PUS1: variants seen among roughly 807,000 people sequenced by gnomAD.
PUS1 encodes pseudouridine synthase 1.
In PUS1, 25 loss-of-function variants were observed where a neutral mutation model predicts 38.5. That is an observed-to-expected ratio of 0.65 (90% CI 0.47 to 0.91). The LOEUF is 0.91. Ranked by LOEUF, PUS1 falls within the 40% of genes least tolerant of loss-of-function variation. The pLI is 0.00. For missense variants in PUS1, 597 were observed against 612.3 expected, an observed-to-expected ratio of 0.97 and a Z score of 0.26; for synonymous variants, 282 against 260.4, an observed-to-expected ratio of 1.08 and a Z score of -0.80.
At chr12:131,935,969 G>A (rs998708307) in intron 3 of PUS1, among the ~76,000 whole-genome samples, 1 of 152,054 alleles carries the variant, frequency 6.6e-6, no homozygotes, top group African/African-American at 2.4e-5. Flanking sequence ...CCAGCACTTT[G>A]GGAGTCCAAG....
intron 2 of PUS1, chr12:131,931,814 A>G: frequency 2.4e-6 from 1 of 418,990 alleles, no homozygotes; most frequent in South Asian, 2.4e-5. Flanking sequence ...TACAGGTGTG[A>G]GCCACTGCAC....
At chr12:131,937,051 T>G (rs1319820532) in intron 3 of PUS1, among the ~76,000 whole-genome samples, 1 of 152,208 alleles carries the variant, frequency 6.6e-6, no homozygotes. Flanking sequence ...ATGTATTTTC[T>G]TTCCCTTTTT....
rs555804602 is a variant in PUS1, at chr12:131,941,203, C to T, written c.545-89C>T. On this transcript the variant is annotated intron_variant, in intron 4 of 5. Coordinates refer to ENST00000376649, the MANE Select transcript of PUS1 (RefSeq NM_025215.6). The surrounding 1 kb of genome is among the most constrained non-coding windows in gnomAD (Gnocchi z 4.4). ...TTGGTCGGTGCTCTGGGTAAGGAGACGCTGGGGCTCACGCCGTGCTCAGGC... is the reference window on the plus strand; with the variant it reads ...TTGGTCGGTGCTCTGGGTAAGGAGATGCTGGGGCTCACGCCGTGCTCAGGC... 157 of 1,171,306 alleles carry T rather than the reference C, an allele frequency of 1.3e-4. No homozygotes were observed. The African/African-American group carries it at 1.5e-3, about 11-fold the overall frequency. 72.6% of individuals were successfully genotyped at this position (1,171,306 alleles called of 1,614,324 possible).
intron 5 of PUS1, among the ~76,000 whole-genome samples, chr12:131,942,610 G>GGC (rs1891135343): frequency 6.6e-6 from 1 of 152,168 alleles, no homozygotes; most frequent in Non-Finnish European, 1.5e-5. Flanking sequence ...GTTTCACCAT[G>GGC]TTAGCCAGGA....
At position 131,932,193 on chromosome 12, in the gene PUS1, C is replaced by T. The variant is rs1890632161; in HGVS notation, c.322C>T (p.Gln108Ter). ...TTTCCAGAGGAATGTCGGGTCCTCACAATTCAAAACAATTGAAGATGACTT... is the reference window on the plus strand; with the variant it reads ...TTTCCAGAGGAATGTCGGGTCCTCATAATTCAAAACAATTGAAGATGACTT... ...HGMQRNVGSS[Q>*]FKTIEDDLVS... The change falls in exon 3 of 6, where the codon CAA (glutamine) becomes TAA (stop). Residue 108 changes from glutamine to a stop codon, truncating the protein, a stop_gained. Transcript: ENST00000376649. LOFTEE classifies it high-confidence loss of function. The T allele has an allele frequency of 6.2e-7, 1 of 1,613,980 alleles. No individual in the cohort carries two copies. The highest frequency in any genetic ancestry group is 1.1e-5 in the South Asian group (1 of 91,076).
At position 131,932,323 on chromosome 12, in the gene PUS1, GC is replaced by G. The variant is rs1890642323; in HGVS notation, c.441+13del. The G allele has an allele frequency of 6.2e-7, 1 of 1,612,582 alleles. No individual in the cohort carries two copies. The highest frequency in any genetic ancestry group is 1.1e-5 in the South Asian group (1 of 90,982). On this transcript the variant is annotated intron_variant, in intron 3 of 5. Coordinates refer to ENST00000376649, the MANE Select transcript of PUS1 (RefSeq NM_025215.6). ...GCCCGGACAGACAAGGTGGGTGGTG[GC>G]CTTCTCTGCCCCTCCCCCGCTGCTA...
At chr12:131,929,881 C>A in intron 1 of PUS1, 26 bp from the exon 2 acceptor site, 1 of 1,462,850 alleles carries the variant, frequency 6.8e-7, no homozygotes, top group African/African-American at 1.5e-5. Context: ...CGAGCGGGCC[C>A]CCGCTCACGC....
In PUS1 at chr12:131,941,326, G is replaced by C. The variant is rs751751103; in HGVS notation, c.579G>C (p.Lys193Asn). The change falls in exon 5 of 6, where the codon AAG (lysine) becomes AAC (asparagine). Residue 193 changes from lysine to asparagine, a missense_variant. By Grantham distance (94) the Lys-to-Asn change is moderately conservative (BLOSUM62 0). Coordinates refer to ENST00000376649, the MANE Select transcript of PUS1 (RefSeq NM_025215.6). This position sits in a 1 kb window ranked among gnomAD's most constrained non-coding sequence, Gnocchi z 4.4. The part of the protein sequence containing the change: ...LKRVTGGFNS[K>N]NRCDARTYCY... The stretch of plus-strand genomic sequence containing the variant: ...GGGTCACGGGCGGGTTTAACTCCAA[G>C]AACAGATGTGATGCCAGGACCTATT... The C allele has an allele frequency of 1.2e-6, 2 of 1,614,194 alleles. No homozygotes were observed. Among genetic ancestry groups the C allele is most frequent in the South Asian group, 2.2e-5 (2 of 91,078 alleles).
intron 2 of PUS1, chr12:131,931,852 G>T: frequency 3.9e-6 from 2 of 513,628 alleles, no homozygotes; most frequent in Non-Finnish European, 3.5e-6. Flanking sequence ...TATAGTCAAT[G>T]TTTTTTTTTT....
rs778230045 is a variant in PUS1, at chr12:131,941,629, C to A, written c.882C>A (p.Ile294=). 6.2e-7 allele frequency: 1 copy of A among 1,614,188 alleles called. No individual in the cohort carries two copies. Among genetic ancestry groups the A allele is most frequent in the Non-Finnish European group, 8.5e-7 (1 of 1,180,026 alleles). ...VKGQSFMMHQ[I]RKMVGLVVAI... Reference sequence around the variant, plus strand: ...GCCAGAGCTTCATGATGCATCAGATCCGGAAGATGGTCGGCCTGGTGGTGG... The same window carrying A: ...GCCAGAGCTTCATGATGCATCAGATACGGAAGATGGTCGGCCTGGTGGTGG... The change falls in exon 5 of 6, where the codon ATC becomes ATA. Residue 294 remains isoleucine, a synonymous_variant. Coordinates refer to ENST00000376649, the MANE Select transcript of PUS1 (RefSeq NM_025215.6). The surrounding 1 kb of genome is among the most constrained non-coding windows in gnomAD (Gnocchi z 4.4).
rs776063942 is a variant in PUS1, at chr12:131,944,807, C to T, written c.*1221C>T. On this transcript the variant is annotated 3_prime_UTR_variant, in exon 6 of 6. Coordinates refer to ENST00000376649, the MANE Select transcript of PUS1 (RefSeq NM_025215.6). Reference sequence around the variant, plus strand: ...AGTGGAGCTTACTGGAAGACCCCACCAGCCGCTGCTGCACGTCATTGGTCA... The same window carrying T: ...AGTGGAGCTTACTGGAAGACCCCACTAGCCGCTGCTGCACGTCATTGGTCA... The T allele has an allele frequency of 2.6e-5, 4 of 152,356 alleles. No homozygotes were observed. Among genetic ancestry groups the T allele is most frequent in the Non-Finnish European group, 5.9e-5 (4 of 68,116 alleles). The allele number at this position is 152,356 out of a possible 1,614,324, so 9.4% of individuals were successfully genotyped here.
intron 4 of PUS1, among the ~76,000 whole-genome samples, chr12:131,940,430 G>C (rs779423803): frequency 6.6e-6 from 1 of 152,154 alleles, no homozygotes; most frequent in African/African-American, 2.4e-5. Flanking sequence ...GGTGTGCCAC[G>C]GATTGTTTAT....
intron 2 of PUS1, among the ~76,000 whole-genome samples, chr12:131,930,822 C>G (rs2136430670): frequency 6.6e-6 from 1 of 152,080 alleles, no homozygotes; most frequent in Middle Eastern, 3.4e-3. Context: ...GGAATGGTGT[C>G]TTGCTAAGTT....
intron 5 of PUS1, among the ~76,000 whole-genome samples, chr12:131,942,475 C>T (rs1028333334): frequency 2.0e-5 from 3 of 152,016 alleles, no homozygotes; most frequent in East Asian, 1.9e-4. Context: ...GGCGCGATCT[C>T]GGCTCACTGC....
Position 131,944,075 on chromosome 12 carries a change from C to T in PUS1, c.*489C>T, listed in dbSNP as rs542754049. On this transcript the variant is annotated 3_prime_UTR_variant, in exon 6 of 6. Transcript: ENST00000376649. The stretch of plus-strand genomic sequence containing the variant: ...CAGCCTGGGTAAAATGGTGAAACCG[C>T]GTCTCTGCAAAAGATTAGCTGGGCA... 276 of 188,498 alleles carry T rather than the reference C, an allele frequency of 1.5e-3. No individual in the cohort carries two copies. Among genetic ancestry groups the T allele is most frequent in the African/African-American group, 4.8e-3 (205 of 42,628 alleles). The allele number at this position is 188,498 out of a possible 1,614,324, so 11.7% of individuals were successfully genotyped here. A position where few individuals can be genotyped will look rare whatever the true frequency, so the allele number is the denominator to read the frequency against.
intron 5 of PUS1, among the ~76,000 whole-genome samples, chr12:131,942,191 C>T (rs1891107556): frequency 6.6e-6 from 1 of 152,302 alleles, no homozygotes; most frequent in Non-Finnish European, 1.5e-5. Context: ...CTTTTCGACC[C>T]TGGGAGGGCT....
intron 5 of PUS1, among the ~76,000 whole-genome samples, chr12:131,943,088 A>C (rs1400150340): frequency 6.6e-6 from 1 of 152,256 alleles, no homozygotes; most frequent in African/African-American, 2.4e-5. Context: ...CCAGCGTTGC[A>C]TACTGGTATG....
chr12:131,929,896 C>G lies in PUS1; in HGVS notation c.75-11C>G, dbSNP rs1890509146. ...CGAGCGGGCCCCCGCTCACGCCGCC[C>G]TTCTCCGCAGCTCGCCGCGCATGGC... On this transcript the variant is annotated splice_polypyrimidine_tract_variant and intron_variant, in intron 1 of 5. Transcript: ENST00000376649. 2.0e-6 allele frequency: 3 copies of G among 1,472,602 alleles called. No individual in the cohort carries two copies. Among genetic ancestry groups the G allele is most frequent in the African/African-American group, 1.5e-5 (1 of 68,328 alleles). 91.2% of individuals were successfully genotyped at this position (1,472,602 alleles called of 1,614,324 possible). A position where few individuals can be genotyped will look rare whatever the true frequency, so the allele number is the denominator to read the frequency against.
intron 2 of PUS1, chr12:131,931,689 C>G (rs1890608835): frequency 5.4e-6 from 1 of 186,622 alleles, no homozygotes; most frequent in Non-Finnish European, 1.1e-5. Flanking sequence ...CGGCACCACG[C>G]CCGGCTAATT....
Sources: allele counts gnomAD v4.1 joint callset (sites outside exome capture counted in the v4.1 genomes callset), GRCh38; gene constraint gnomAD v4.1.1; non-coding constraint Gnocchi (gnomAD v3.1); transcripts MANE v1.5; gene names NCBI Gene and HGNC (gene_info 2026-07-23, HGNC 2026-07-21).